Variants in ARB2A observed in about 807,000 individuals in gnomAD.
The protein encoded by ARB2A is ARB2 cotranscriptional regulator A, also known as cotranscriptional regulator ARB2A.
chr5:93,740,095 T>A, the ARB2A span: 1 of 152,230 alleles, frequency 6.6e-6, no homozygotes, highest in Non-Finnish European at 1.5e-5. Context: ...CATTCTCAAG[T>A]CATTCCCTCA....
the ARB2A span, among the ~76,000 whole-genome samples, chr5:94,086,073 G>C: frequency 6.6e-6 from 1 of 152,194 alleles, no homozygotes; most frequent in Non-Finnish European, 1.5e-5. Context: ...GTTATTGATA[G>C]TGTTTTGAAT....
At chr5:93,671,220 A>G in the ARB2A span, among the ~76,000 whole-genome samples, 11 of 152,310 alleles carry the variant, frequency 7.2e-5, no homozygotes, top group African/African-American at 2.6e-4. Flanking sequence ...CACTGTCATC[A>G]TTTCTGTTGT....
At chr5:94,059,816 G>A in the ARB2A span, among the ~76,000 whole-genome samples, 1 of 150,840 alleles carries the variant, frequency 6.6e-6, no homozygotes, top group Non-Finnish European at 1.5e-5. Flanking sequence ...AAGAAATAAA[G>A]ATTTTTTTTC....
the ARB2A span, among the ~76,000 whole-genome samples, chr5:93,966,719 C>G: frequency 6.6e-6 from 1 of 152,028 alleles, no homozygotes; most frequent in Non-Finnish European, 1.5e-5. Flanking sequence ...GATCACATGT[C>G]AACTCCTTCA....
the ARB2A span, among the ~76,000 whole-genome samples, chr5:93,855,280 C>G: frequency 6.6e-6 from 1 of 152,086 alleles, no homozygotes; most frequent in Non-Finnish European, 1.5e-5. Flanking sequence ...AGGATTGCAA[C>G]CCCTGCCTTT....
the ARB2A span, among the ~76,000 whole-genome samples, chr5:93,823,047 T>C: frequency 1.3e-5 from 2 of 152,228 alleles, no homozygotes; most frequent in Admixed American, 6.5e-5. Flanking sequence ...TCTAGAAACA[T>C]AAAAATTAGG....
the ARB2A span, among the ~76,000 whole-genome samples, chr5:94,069,938 T>C: frequency 6.6e-6 from 1 of 152,144 alleles, no homozygotes; most frequent in Admixed American, 6.5e-5. Context: ...CACTACTAGG[T>C]ATGTATTCAC....
chr5:93,797,016 A>G, the ARB2A span, among the ~76,000 whole-genome samples: 8 of 152,280 alleles, frequency 5.3e-5, no homozygotes, highest in South Asian at 1.4e-3. Context: ...ACTACATGTA[A>G]CAAAAGAGCA....
chr5:94,097,758 A>AC, the ARB2A span, among the ~76,000 whole-genome samples: 1 of 151,650 alleles, frequency 6.6e-6, no homozygotes, highest in African/African-American at 2.4e-5. Context: ...ATCAGCACAC[A>AC]CCCGCCCACA....
the ARB2A span, among the ~76,000 whole-genome samples, chr5:94,047,193 T>C: frequency 1.2e-3 from 188 of 152,276 alleles, no homozygotes; most frequent in African/African-American, 3.9e-3. Flanking sequence ...AACACTGCAT[T>C]AAAAGTTAAA....
the ARB2A span, among the ~76,000 whole-genome samples, chr5:93,910,423 GA>G: frequency 2.0e-5 from 3 of 150,944 alleles, no homozygotes; most frequent in African/African-American, 7.3e-5. Flanking sequence ...AAAATGTTCA[GA>G]AAAAAATCTA....
the ARB2A span, among the ~76,000 whole-genome samples, chr5:93,709,633 A>C: frequency 6.2e-5 from 5 of 81,280 alleles, no homozygotes; most frequent in East Asian, 2.7e-4. Context: ...ACTCTGTCAC[A>C]AAAAAAAAAA....
the ARB2A span, among the ~76,000 whole-genome samples, chr5:93,911,073 C>A: frequency 6.6e-6 from 1 of 151,494 alleles, no homozygotes; most frequent in Non-Finnish European, 1.5e-5. Context: ...TTACTGTATA[C>A]TGGAAGAGTA....
the ARB2A span, among the ~76,000 whole-genome samples, chr5:94,106,219 T>A: frequency 3.3e-5 from 5 of 151,732 alleles, no homozygotes; most frequent in South Asian, 4.2e-4. Flanking sequence ...GAGAAAAAAA[T>A]TCGCAAACTA....
the ARB2A span, among the ~76,000 whole-genome samples, chr5:93,814,761 T>G: frequency 6.6e-6 from 1 of 152,196 alleles, no homozygotes; most frequent in Non-Finnish European, 1.5e-5. Flanking sequence ...AATCAGTAAT[T>G]ATCTTTAATA....
the ARB2A span, among the ~76,000 whole-genome samples, chr5:93,695,834 A>C: frequency 6.6e-6 from 1 of 152,194 alleles, no homozygotes; most frequent in South Asian, 2.1e-4. Flanking sequence ...GCACATATAC[A>C]CTATGGAATA....
chr5:93,914,958 T>C, the ARB2A span, among the ~76,000 whole-genome samples: 7 of 152,096 alleles, frequency 4.6e-5, no homozygotes, highest in Middle Eastern at 3.4e-3. Context: ...TGGAACGAAA[T>C]ACTAGACTGA....
chr5:93,756,292 C>T, the ARB2A span, among the ~76,000 whole-genome samples: 1 of 152,304 alleles, frequency 6.6e-6, no homozygotes, highest in Admixed American at 6.5e-5. Flanking sequence ...CCCTAACCAC[C>T]TTGGTAGCTG....
chr5:93,885,900 A>T, the ARB2A span, among the ~76,000 whole-genome samples: 5 of 151,716 alleles, frequency 3.3e-5, no homozygotes, highest in African/African-American at 1.2e-4. Context: ...CTTACTAATA[A>T]ATAATAAATC....
Sources: gnomAD v4.1 joint callset for allele counts (sites outside exome capture counted in the v4.1 genomes callset) on GRCh38, gnomAD v4.1.1 for gene constraint, MANE v1.5 for transcripts, NCBI Gene and HGNC (gene_info 2026-07-23, HGNC 2026-07-21) for gene names.